CNTN3: variants seen among roughly 807,000 people sequenced by gnomAD.
The protein encoded by CNTN3 is contactin-3.
CNTN3 carries 60 observed loss-of-function variants against 119.1 expected under a neutral mutation model. That is an observed-to-expected ratio of 0.50 (90% CI 0.41 to 0.62). The LOEUF (loss-of-function observed/expected upper bound fraction) is 0.62. CNTN3 is among the 20% of genes least tolerant of loss of function. CNTN3 has a pLI of 0.00. For missense variants in CNTN3, 1,101 were observed against 1,242.4 expected, an observed-to-expected ratio of 0.89 and a Z score of 1.71; for synonymous variants, 450 against 438.7, an observed-to-expected ratio of 1.03 and a Z score of -0.32.
chr3:74,375,061 T>C (rs1339341712), intron 5 of CNTN3, among the ~76,000 whole-genome samples: 1 of 152,160 alleles, frequency 6.6e-6, no homozygotes, highest in Non-Finnish European at 1.5e-5. Flanking sequence ...ACAGTAAGCA[T>C]AATTTTATAT....
intron 5 of CNTN3, among the ~76,000 whole-genome samples, chr3:74,383,937 C>T (rs1033632687): frequency 6.6e-6 from 1 of 152,168 alleles, no homozygotes; most frequent in Non-Finnish European, 1.5e-5. Flanking sequence ...GCAAATGTGT[C>T]CTAATTCGAC....
intron 3 of CNTN3, among the ~76,000 whole-genome samples, chr3:74,497,011 T>C (rs1312314221): frequency 1.3e-5 from 2 of 152,046 alleles, no homozygotes; most frequent in Admixed American, 1.3e-4. Context: ...TTTAACTTTA[T>C]TCTGAATCCT....
At chr3:74,316,941 AAG>A (rs1322881108) in intron 13 of CNTN3, among the ~76,000 whole-genome samples, 28 of 151,678 alleles carry the variant, frequency 1.8e-4, no homozygotes, top group African/African-American at 6.3e-4. Context: ...AAAAAAAAAA[AAG>A]TCTCCCATTA....
At chr3:74,285,817 A>ATG (rs1271200676) in intron 19 of CNTN3, among the ~76,000 whole-genome samples, 1 of 119,770 alleles carries the variant, frequency 8.3e-6, no homozygotes, top group Non-Finnish European at 1.7e-5. Flanking sequence ...ATATATATAT[A>ATG]TATATATATA....
At chr3:74,491,499 C>A (rs1476177859) in intron 3 of CNTN3, among the ~76,000 whole-genome samples, 5 of 149,946 alleles carry the variant, frequency 3.3e-5, no homozygotes, top group African/African-American at 1.3e-4. Flanking sequence ...GATCCTGTCT[C>A]AAAAAACAAA....
At chr3:74,350,046 A>C (rs1703778764) in intron 11 of CNTN3, among the ~76,000 whole-genome samples, 1 of 152,204 alleles carries the variant, frequency 6.6e-6, no homozygotes, top group Non-Finnish European at 1.5e-5. Context: ...CCAAATTTGA[A>C]ATATGGATCT....
chr3:74,328,549 C>A (rs2106693310), intron 13 of CNTN3, among the ~76,000 whole-genome samples: 1 of 152,172 alleles, frequency 6.6e-6, no homozygotes, highest in Non-Finnish European at 1.5e-5. Flanking sequence ...TTGACTTATT[C>A]TTGTAAATTT....
At chr3:74,296,561 C>T (rs1226406199) in intron 18 of CNTN3, among the ~76,000 whole-genome samples, 2 of 152,194 alleles carry the variant, frequency 1.3e-5, no homozygotes, top group Admixed American at 6.5e-5. Context: ...GAAAAATCAA[C>T]TCTACTTACT....
chr3:74,578,967 A>G (rs76017802), intron 1 of CNTN3, among the ~76,000 whole-genome samples: 2,568 of 152,188 alleles, frequency 0.017, 40 homozygotes, highest in South Asian at 0.035. Flanking sequence ...TAAAAGGCAA[A>G]GACTATCAGG....
Position 74,374,967 on chromosome 3 carries a change from C to G in CNTN3, c.455-3568G>C, listed in dbSNP as rs369081682. Among the ~76,000 whole-genome samples the G allele has an allele frequency of 4.2e-4, 64 of 152,240 alleles. 2 individuals are homozygous for G. In the South Asian group the frequency reaches 0.013, roughly 32 times the overall value. On this transcript the variant is annotated intron_variant, in intron 5 of 22. Transcript: ENST00000263665. ...TCCATATAAAACTGTCCAGAAAATACACATCCTATATACTTCATAGTATTG... is the reference window on the plus strand; with the variant it reads ...TCCATATAAAACTGTCCAGAAAATAGACATCCTATATACTTCATAGTATTG...
At chr3:74,381,704 T>C (rs1704628035) in intron 5 of CNTN3, among the ~76,000 whole-genome samples, 1 of 152,098 alleles carries the variant, frequency 6.6e-6, no homozygotes, top group South Asian at 2.1e-4. Context: ...CCAGGAAAAA[T>C]ATCTATCACT....
chr3:74,450,500 C>T (rs1241780844), intron 4 of CNTN3, among the ~76,000 whole-genome samples: 1 of 73,372 alleles, frequency 1.4e-5, no homozygotes, highest in Non-Finnish European at 2.7e-5. Flanking sequence ...ATCTGAAGCC[C>T]TGTTTTTTTT....
At chr3:74,346,066 G>A (rs551970429) in intron 11 of CNTN3, among the ~76,000 whole-genome samples, 1 of 152,082 alleles carries the variant, frequency 6.6e-6, no homozygotes, top group Non-Finnish European at 1.5e-5. Flanking sequence ...CCAATTCTTT[G>A]TGAAATACGA....
intron 2 of CNTN3, among the ~76,000 whole-genome samples, chr3:74,516,444 C>T (rs889151907): frequency 1.3e-5 from 2 of 150,572 alleles, no homozygotes; most frequent in Non-Finnish European, 2.9e-5. Context: ...TTTTCTCTTC[C>T]TTATAATTTT....
chr3:74,538,827 C>T (rs986891241), intron 1 of CNTN3, among the ~76,000 whole-genome samples: 5 of 152,020 alleles, frequency 3.3e-5, no homozygotes, highest in African/African-American at 1.2e-4. Context: ...TGCTGAAGAT[C>T]TGTAGCCACA....
chr3:74,439,113 G>A (rs1238104352), intron 4 of CNTN3, among the ~76,000 whole-genome samples: 7 of 152,190 alleles, frequency 4.6e-5, no homozygotes, highest in Admixed American at 4.6e-4. Context: ...CAAAATAAGA[G>A]AGGGACATCA....
chr3:74,369,406 G>C, intron 7 of CNTN3, 33 bp from the exon 8 acceptor site: 4 of 1,507,236 alleles, frequency 2.7e-6, no homozygotes, highest in Non-Finnish European at 3.6e-6. Flanking sequence ...GTCTGCTATT[G>C]TCTGGAAGCC....
rs771775598 is a variant in CNTN3, at chr3:74,285,520, A to C, written c.2518-29T>G. ...GTGGGCGGAAGACACCAAACATGTG[A>C]AGGCTTAAAAAATTCTGCCCTTTCC... On this transcript the variant is annotated intron_variant, in intron 19 of 22. Coordinates refer to ENST00000263665, the MANE Select transcript of CNTN3 (RefSeq NM_020872.3). 10 of 1,567,658 alleles carry C rather than the reference A, an allele frequency of 6.4e-6. No homozygotes were observed. The East Asian group carries it at 2.3e-4, about 36-fold the overall frequency.
At chr3:74,537,864 T>C (rs558071550) in intron 1 of CNTN3, among the ~76,000 whole-genome samples, 11 of 151,932 alleles carry the variant, frequency 7.2e-5, no homozygotes, top group Non-Finnish European at 1.3e-4. Flanking sequence ...AGAAGAATGG[T>C]AACCCAGAGC....
Sources: allele counts gnomAD v4.1 joint callset (sites outside exome capture counted in the v4.1 genomes callset), GRCh38; gene constraint gnomAD v4.1.1; transcripts MANE v1.5; gene names NCBI Gene and HGNC (gene_info 2026-07-23, HGNC 2026-07-21).